RALY: variants seen among roughly 807,000 people sequenced by gnomAD.
RALY encodes RNA-binding protein Raly.
A neutral mutation model predicts 30.7 loss-of-function variants in RALY; 15 were observed. The ratio of observed to expected loss-of-function variants is 0.49; its 90% CI spans 0.33 to 0.75. The LOEUF is 0.75. Among genes scored for constraint, RALY ranks in the 30% least tolerant of loss-of-function variants. RALY has a pLI of 0.02. For synonymous variants in RALY, 177 were observed against 170.8 expected, an observed-to-expected ratio of 1.04 and a Z score of -0.28; for missense variants, 339 against 414.3, an observed-to-expected ratio of 0.82 and a Z score of 1.58.
In RALY at chr20:34,080,585, TTC is replaced by T. The variant is rs2034013469; in HGVS notation, c.*682_*683del. The T allele has an allele frequency of 6.6e-6, 1 of 152,326 alleles. No individual in the cohort carries two copies. The highest frequency in any genetic ancestry group is 6.5e-5 in the Admixed American group (1 of 15,278). 9.4% of individuals were successfully genotyped at this position (152,326 alleles called of 1,614,324 possible). A position where few individuals can be genotyped will look rare whatever the true frequency, so the allele number is the denominator to read the frequency against. ...AGTCTGCCAGTCTCTACCTTCTCTC[TTC>T]TGGCTTAGGACACTATAATTTTTTC... is the stretch of plus-strand genomic sequence containing the variant. On this transcript the variant is annotated 3_prime_UTR_variant, in exon 10 of 10. Coordinates refer to ENST00000246194, the MANE Select transcript of RALY (RefSeq NM_016732.3).
At chr20:33,996,608 G>A (rs751195932) in intron 1 of RALY, among the ~76,000 whole-genome samples, 6 of 148,546 alleles carry the variant, frequency 4.0e-5, no homozygotes, top group Non-Finnish European at 7.4e-5. Flanking sequence ...CCTTAAAGCT[G>A]GCATGCTTTT....
chr20:33,998,532 G>A (rs2030750860), intron 1 of RALY, among the ~76,000 whole-genome samples: 1 of 152,188 alleles, frequency 6.6e-6, no homozygotes, highest in African/African-American at 2.4e-5. Flanking sequence ...CAGGATTCTT[G>A]GGTGGAGCAT....
intron 2 of RALY, among the ~76,000 whole-genome samples, chr20:34,048,021 G>A (rs2032944185): frequency 1.3e-5 from 2 of 152,196 alleles, no homozygotes; most frequent in African/African-American, 4.8e-5. Flanking sequence ...TGTTATATCT[G>A]AGTAAGCAGG....
chr20:34,018,588 G>C (rs1054163741), intron 1 of RALY, among the ~76,000 whole-genome samples: 3 of 152,210 alleles, frequency 2.0e-5, no homozygotes, highest in African/African-American at 7.2e-5. Flanking sequence ...TGGAATGGAA[G>C]ATATGCTAAG....
intron 1 of RALY, among the ~76,000 whole-genome samples, chr20:34,001,786 A>T (rs2030927115): frequency 6.6e-6 from 1 of 151,694 alleles, no homozygotes; most frequent in African/African-American, 2.4e-5. Flanking sequence ...TTTTTTTTTG[A>T]GACGGAGTCT....
chr20:34,046,542 T>A (rs1327276074), intron 2 of RALY, among the ~76,000 whole-genome samples: 1 of 152,220 alleles, frequency 6.6e-6, no homozygotes, highest in Non-Finnish European at 1.5e-5. Context: ...TAATACTTAA[T>A]AGGTAACATT....
rs11480087 is a variant in RALY, at chr20:34,067,816, C to CTTTT, written c.-9-4237_-9-4234dup. Among the ~76,000 whole-genome samples the CTTTT allele has an allele frequency of 2.7e-3, 362 of 132,670 alleles. 4 individuals carry two copies. Among genetic ancestry groups the CTTTT allele is most frequent in the African/African-American group, 8.6e-3 (301 of 35,118 alleles). The allele number at this position is 132,670 out of a possible 152,430, so 87.0% of individuals were successfully genotyped here. ...CTCAAACGTAGCTTTTTTCTTTTTT[C>CTTTT]TTTTTTTTTTTTTTTTGAGACACTG... is the stretch of plus-strand genomic sequence containing the variant. On this transcript the variant is annotated intron_variant, in intron 2 of 9. Coordinates refer to ENST00000246194, the MANE Select transcript of RALY (RefSeq NM_016732.3).
intron 2 of RALY, among the ~76,000 whole-genome samples, chr20:34,045,683 A>G (rs967824202): frequency 6.6e-6 from 1 of 151,990 alleles, no homozygotes; most frequent in Non-Finnish European, 1.5e-5. Flanking sequence ...TAATACCTTC[A>G]TTTTCTTCTC....
intron 9 of RALY, among the ~76,000 whole-genome samples, chr20:34,079,339 ACT>A (rs2033982155): frequency 6.6e-6 from 1 of 152,004 alleles, no homozygotes; most frequent in African/African-American, 2.4e-5. Context: ...TTCAAAGCCC[ACT>A]CTCTGGCCAC....
chr20:34,006,055 A>G (rs555436348), intron 1 of RALY, among the ~76,000 whole-genome samples: 1 of 152,232 alleles, frequency 6.6e-6, no homozygotes, highest in South Asian at 2.1e-4. Flanking sequence ...ATAAACAAAC[A>G]AAAGAAAGAT....
chr20:34,038,882 G>A (rs139751223), intron 2 of RALY, among the ~76,000 whole-genome samples: 72 of 152,258 alleles, frequency 4.7e-4, no homozygotes, highest in African/African-American at 1.6e-3. Flanking sequence ...ACTAGTGATT[G>A]GAATAAATTC....
At chr20:34,061,212 T>G (rs550455107) in intron 2 of RALY, among the ~76,000 whole-genome samples, 3 of 152,162 alleles carry the variant, frequency 2.0e-5, no homozygotes, top group Non-Finnish European at 4.4e-5. Flanking sequence ...CTAGATTGTC[T>G]TCCCTTGCAG....
intron 2 of RALY, among the ~76,000 whole-genome samples, chr20:34,049,973 G>T (rs1374030512): frequency 3.3e-5 from 5 of 152,150 alleles, no homozygotes; most frequent in African/African-American, 1.2e-4. Flanking sequence ...AGCTGACTGG[G>T]GAGAAAGAAA....
At chr20:34,050,005 T>G (rs928407266) in intron 2 of RALY, among the ~76,000 whole-genome samples, 1 of 152,178 alleles carries the variant, frequency 6.6e-6, no homozygotes, top group Non-Finnish European at 1.5e-5. Context: ...CAGGTCTTCT[T>G]CAGGCTGGAC....
chr20:34,068,540 G>T (rs764234681), intron 2 of RALY, among the ~76,000 whole-genome samples: 28 of 152,264 alleles, frequency 1.8e-4, no homozygotes, highest in Non-Finnish European at 3.8e-4. Context: ...CACTTACTGT[G>T]CCCCGAGTTT....
chr20:34,060,801 T>TA (rs1407512851), intron 2 of RALY, among the ~76,000 whole-genome samples: 4 of 152,330 alleles, frequency 2.6e-5, no homozygotes, highest in Admixed American at 2.6e-4. Context: ...AGCTCTGAGT[T>TA]ATGCTGAAAG....
intron 2 of RALY, among the ~76,000 whole-genome samples, chr20:34,049,726 AT>A (rs908048400): frequency 3.3e-5 from 5 of 152,294 alleles, no homozygotes; most frequent in African/African-American, 1.2e-4. Flanking sequence ...GACTTAGGAA[AT>A]TTCCCCACAA....
intron 1 of RALY, among the ~76,000 whole-genome samples, chr20:33,996,751 C>T (rs1048849514): frequency 6.6e-6 from 1 of 152,136 alleles, no homozygotes; most frequent in Non-Finnish European, 1.5e-5. Flanking sequence ...TTATCTTCCC[C>T]AACTGAAATT....
intron 1 of RALY, among the ~76,000 whole-genome samples, chr20:34,005,503 T>C (rs2031118606): frequency 6.6e-6 from 1 of 151,448 alleles, no homozygotes; most frequent in South Asian, 2.1e-4. Flanking sequence ...GTGAGACTCT[T>C]TCTCAAAAAA....
Sources: gnomAD v4.1 joint callset for allele counts (sites outside exome capture counted in the v4.1 genomes callset) on GRCh38, gnomAD v4.1.1 for gene constraint, MANE v1.5 for transcripts, NCBI Gene and HGNC (gene_info 2026-07-23, HGNC 2026-07-21) for gene names.